Variants in NFASC observed in about 807,000 individuals in gnomAD.
NFASC encodes the protein neurofascin, also known as neurofascin homolog.
Under a neutral mutation model 147.5 loss-of-function variants are expected in NFASC, and 43 were observed. The ratio of observed to expected loss-of-function variants is 0.29; its 90% CI spans 0.23 to 0.38. The LOEUF is 0.38. Ranked by LOEUF, NFASC falls within the 10% of genes least tolerant of loss-of-function variation. The pLI is 1.00. For missense variants in NFASC, 1,320 were observed against 1,689.0 expected (o/e 0.78, Z 3.83); for synonymous variants, 622 against 665.5 (o/e 0.93, Z 1.01).
At chr1:204,901,115 GA>G (rs2084479382) in intron 1 of NFASC, among the ~76,000 whole-genome samples, 1 of 152,202 alleles carries the variant, frequency 6.6e-6, no homozygotes, top group African/African-American at 2.4e-5. Context: ...GTGGGGCAGG[GA>G]AGTGCGGGGA....
intron 1 of NFASC, among the ~76,000 whole-genome samples, chr1:204,918,853 T>G (rs936995446): frequency 3.3e-5 from 5 of 152,202 alleles, no homozygotes; most frequent in African/African-American, 1.2e-4. Flanking sequence ...CCCAAAGTGC[T>G]GGGATTATAG....
chr1:204,837,132 A>G (rs1674008496), intron 1 of NFASC, among the ~76,000 whole-genome samples: 1 of 152,262 alleles, frequency 6.6e-6, no homozygotes, highest in African/African-American at 2.4e-5. Flanking sequence ...TGGTAATGAT[A>G]CAAGATGATT....
intron 2 of NFASC, among the ~76,000 whole-genome samples, chr1:204,926,119 A>G (rs879474674): frequency 3.3e-5 from 5 of 151,524 alleles, no homozygotes; most frequent in Non-Finnish European, 7.4e-5. Context: ...TAATTAACCA[A>G]TCTTCAATGT....
intron 1 of NFASC, among the ~76,000 whole-genome samples, chr1:204,914,753 G>A (rs552300725): frequency 2.4e-3 from 358 of 152,330 alleles, no homozygotes; most frequent in Middle Eastern, 0.014. Flanking sequence ...AGTATAAATT[G>A]TCACTACATT....
chr1:204,965,276 T>C (rs897965157), intron 8 of NFASC, among the ~76,000 whole-genome samples: 2 of 152,180 alleles, frequency 1.3e-5, no homozygotes, highest in African/African-American at 2.4e-5. Context: ...TAGAGTTTCA[T>C]CTAGTAATCA....
intron 8 of NFASC, among the ~76,000 whole-genome samples, chr1:204,963,111 G>T (rs1025088102): frequency 1.3e-5 from 2 of 152,158 alleles, no homozygotes; most frequent in Admixed American, 1.3e-4. Flanking sequence ...GCACTGTGAT[G>T]TGCTAATACA....
intron 3 of NFASC, among the ~76,000 whole-genome samples, chr1:204,949,664 T>A (rs2093984127): frequency 6.6e-6 from 1 of 152,196 alleles, no homozygotes; most frequent in Admixed American, 6.5e-5. Flanking sequence ...CAGCATGGCA[T>A]TGCCCCAGCA....
intron 23 of NFASC, chr1:204,990,615 A>G (rs2095709670): frequency 6.6e-6 from 1 of 152,124 alleles, no homozygotes; most frequent in African/African-American, 2.4e-5. Context: ...TCTCAGTCCA[A>G]ACTTGGGTTT....
At position 204,885,673 on chromosome 1, in the gene NFASC, T is replaced by C. The variant is rs1209547772; in HGVS notation, c.-199-34959T>C. On this transcript the variant is annotated intron_variant, in intron 1 of 29. Coordinates refer to ENST00000339876, the MANE Select transcript of NFASC (RefSeq NM_001005388.3). ...GGTGGGTGGGGCCTTCTACTGATCCTGTCCCCACTCCCTGGTTCAAAGTTC... is the reference window on the plus strand; with the variant it reads ...GGTGGGTGGGGCCTTCTACTGATCCCGTCCCCACTCCCTGGTTCAAAGTTC... Among the ~76,000 whole-genome samples, 4 of 152,364 alleles carry C rather than the reference T, an allele frequency of 2.6e-5. No homozygotes were observed. The East Asian group carries it at 5.8e-4, about 22-fold the overall frequency.
Position 205,020,598 on chromosome 1 carries a change from G to A in NFASC, c.*4059G>A, listed in dbSNP as rs1376701945. 6.6e-6 allele frequency: 1 copy of A among 152,310 alleles called. No individual in the cohort carries two copies. Among genetic ancestry groups the A allele is most frequent in the African/African-American group, 2.4e-5 (1 of 41,456 alleles). 9.4% of individuals were successfully genotyped at this position (152,310 alleles called of 1,614,324 possible). On this transcript the variant is annotated 3_prime_UTR_variant, in exon 30 of 30. Transcript: ENST00000339876. ...AGTGGGAAACTTTGCCCAAGCAATG[G>A]CACGGGCAGCGGGCTCTTTCTGGCG...
chr1:204,829,274 C>G (rs929014368), intron 1 of NFASC, among the ~76,000 whole-genome samples: 2 of 151,122 alleles, frequency 1.3e-5, no homozygotes, highest in African/African-American at 4.9e-5. Context: ...CCCTCAGTTT[C>G]TGTCCTCCCC....
chr1:204,909,759 A>C (rs2086895809), intron 1 of NFASC, among the ~76,000 whole-genome samples: 1 of 152,108 alleles, frequency 6.6e-6, no homozygotes, highest in African/African-American at 2.4e-5. Context: ...ACTTAGGTTA[A>C]GATTCCTTTT....
intron 22 of NFASC, among the ~76,000 whole-genome samples, chr1:204,988,412 G>A (rs766284339): frequency 2.0e-4 from 30 of 152,228 alleles, no homozygotes; most frequent in Non-Finnish European, 3.7e-4. Flanking sequence ...AGAGACAACA[G>A]GATCAGTGAA....
intron 1 of NFASC, among the ~76,000 whole-genome samples, chr1:204,837,430 C>T (rs1674087945): frequency 6.6e-6 from 1 of 152,128 alleles, no homozygotes; most frequent in Non-Finnish European, 1.5e-5. Flanking sequence ...CGGTCTGGGG[C>T]CAGACTGTAG....
intron 7 of NFASC, among the ~76,000 whole-genome samples, chr1:204,955,745 G>T (rs1042099921): frequency 2.0e-5 from 3 of 151,884 alleles, no homozygotes; most frequent in African/African-American, 7.3e-5. Flanking sequence ...CTACCTGTCT[G>T]CCTCCTCTCC....
In NFASC at chr1:205,009,668, G is replaced by A. The variant is rs1479137101; in HGVS notation, c.3401G>A (p.Ser1134Asn). ...CTCATCGTCTGTTTCATCAAGAGGA[G>A]TCGCGGCGGCAAGTACCCAGGTGAG... ...ILLIVCFIKR[S>N]RGGKYPVREK... The change falls in exon 28 of 30, where the codon AGT becomes AAT. Residue 1134 changes from serine to asparagine, a missense_variant. Ser to Asn is a conservative substitution (Grantham distance 46). This residue lies in a region of NFASC where 167 missense variants were observed against 233.8 expected (regional missense o/e 0.71). Transcript: ENST00000339876. 2 of 1,613,954 alleles carry A rather than the reference G, an allele frequency of 1.2e-6. No individual in the cohort carries two copies. Among genetic ancestry groups the A allele is most frequent in the Non-Finnish European group, 1.7e-6 (2 of 1,180,018 alleles).
At position 205,018,781 on chromosome 1, in the gene NFASC, A is replaced by T. The variant is rs1314750673; in HGVS notation, c.*2242A>T. On this transcript the variant is annotated 3_prime_UTR_variant, in exon 30 of 30. Coordinates refer to ENST00000339876, the MANE Select transcript of NFASC (RefSeq NM_001005388.3). The stretch of plus-strand genomic sequence containing the variant: ...TCAGTTTCTCAGACACTCATTCCAT[A>T]CTGCACCGTACATGCCAGCGTACCC... The T allele has an allele frequency of 6.6e-6, 1 of 152,398 alleles. No homozygotes were observed. The highest frequency in any genetic ancestry group is 1.5e-5 in the Non-Finnish European group (1 of 68,060). The allele number at this position is 152,398 out of a possible 1,614,324, so 9.4% of individuals were successfully genotyped here. A position where few individuals can be genotyped will look rare whatever the true frequency, so the allele number is the denominator to read the frequency against.
chr1:204,900,174 C>T (rs1013059474), intron 1 of NFASC, among the ~76,000 whole-genome samples: 1 of 152,132 alleles, frequency 6.6e-6, no homozygotes, highest in South Asian at 2.1e-4. Flanking sequence ...AAGATTAAGA[C>T]TAGCCAAAAT....
intron 5 of NFASC, among the ~76,000 whole-genome samples, chr1:204,952,654 G>A (rs2094192572): frequency 6.6e-6 from 1 of 152,176 alleles, no homozygotes; most frequent in South Asian, 2.1e-4. Context: ...GGGGTACAAA[G>A]GTCCAAGGTT....
Sources: allele counts gnomAD v4.1 joint callset (sites outside exome capture counted in the v4.1 genomes callset), GRCh38; gene constraint gnomAD v4.1.1; regional missense constraint gnomAD v4.1.1; transcripts MANE v1.5; gene names NCBI Gene and HGNC (gene_info 2026-07-23, HGNC 2026-07-21).